Variants in SGCZ observed in about 807,000 individuals in gnomAD.
SGCZ encodes sarcoglycan zeta, also known as zeta-sarcoglycan.
A neutral mutation model predicts 41.3 loss-of-function variants in SGCZ; 40 were observed. The observed-to-expected ratio is 0.97, with a 90% confidence interval of 0.75 to 1.26. The LOEUF is 1.26. SGCZ is among the 50% of genes most tolerant of loss of function. The pLI, the probability that SGCZ is intolerant of heterozygous loss-of-function variation, is 0.00. For synonymous variants in SGCZ, 206 were observed against 137.5 expected, an observed-to-expected ratio of 1.50 and a Z score of -3.49; for missense variants, 552 against 369.8, an observed-to-expected ratio of 1.49 and a Z score of -4.04.
At chr8:14,661,518 C>T (rs1481002748) in intron 1 of SGCZ, among the ~76,000 whole-genome samples, 5 of 152,132 alleles carry the variant, frequency 3.3e-5, no homozygotes, top group East Asian at 1.9e-4. Flanking sequence ...ACCAATCAAA[C>T]ATTGAGGCAT....
intron 1 of SGCZ, among the ~76,000 whole-genome samples, chr8:15,226,591 C>A (rs919326719): frequency 7.2e-5 from 11 of 151,850 alleles, no homozygotes; most frequent in Non-Finnish European, 1.2e-4. Context: ...AGCATCAGGC[C>A]CACCCTTGGT....
At chr8:14,775,702 G>C (rs1041930083) in intron 1 of SGCZ, among the ~76,000 whole-genome samples, 5 of 152,150 alleles carry the variant, frequency 3.3e-5, no homozygotes, top group Non-Finnish European at 7.4e-5. Flanking sequence ...AAAATTTCAA[G>C]TGAAAAAGAT....
Position 14,843,486 on chromosome 8 carries a change from G to T in SGCZ, c.40-288560C>A, listed in dbSNP as rs73535048. ...GAATCTTGTTAAGTGCTTACTACAT[G>T]CCTGTTCATCATTGTCTATCCATTT... On this transcript the variant is annotated intron_variant, in intron 1 of 7. Transcript: ENST00000382080. Among the ~76,000 whole-genome samples, 1,230 of 152,144 alleles carry T rather than the reference G, an allele frequency of 8.1e-3. 20 individuals are homozygous for T. Among genetic ancestry groups the T allele is most frequent in the African/African-American group, 0.028 (1,152 of 41,534 alleles).
At chr8:14,746,983 A>T (rs529340849) in intron 1 of SGCZ, among the ~76,000 whole-genome samples, 18 of 152,222 alleles carry the variant, frequency 1.2e-4, no homozygotes, top group Non-Finnish European at 2.4e-4. Context: ...GATACAGTTT[A>T]TTCTCTACAG....
At chr8:14,573,872 A>G (rs139979154) in intron 1 of SGCZ, among the ~76,000 whole-genome samples, 1 of 152,312 alleles carries the variant, frequency 6.6e-6, no homozygotes, top group African/African-American at 2.4e-5. Flanking sequence ...CCATGAAAAA[A>G]TAAAATGGCC....
chr8:14,237,659 C>A lies in SGCZ; in HGVS notation c.357G>T (p.Gln119His). 6.2e-7 allele frequency: 1 copy of A among 1,613,844 alleles called. No individual in the cohort carries two copies. Among genetic ancestry groups the A allele is most frequent in the Non-Finnish European group, 8.5e-7 (1 of 1,179,802 alleles). The part of the protein sequence containing the change: ...HSRKDSPLVL[Q>H]SDRNVTVNAR... ...CATTCACTGTGACATTCCTGTCAGA[C>A]TGTAAGACCAGCGGACTATCCTGGG... Residue 119 changes from glutamine (Q) to histidine (H), a missense_variant, in exon 4 of 8, where the codon CAG becomes CAT. Coordinates refer to ENST00000382080, the MANE Select transcript of SGCZ (RefSeq NM_139167.4).
At chr8:14,119,708 T>C (rs1802638728) in intron 5 of SGCZ, among the ~76,000 whole-genome samples, 3 of 152,198 alleles carry the variant, frequency 2.0e-5, no homozygotes, top group Non-Finnish European at 2.9e-5. Flanking sequence ...TTGTCATAAA[T>C]AGCTCTTATT....
At chr8:14,276,821 A>T (rs1008696648) in intron 3 of SGCZ, among the ~76,000 whole-genome samples, 15 of 152,310 alleles carry the variant, frequency 9.8e-5, no homozygotes, top group African/African-American at 3.6e-4. Context: ...TTCAGCTATT[A>T]CAGGAAATAT....
intron 2 of SGCZ, among the ~76,000 whole-genome samples, chr8:14,478,582 G>C (rs1183201493): frequency 1.3e-5 from 2 of 148,562 alleles, no homozygotes; most frequent in South Asian, 2.1e-4. Flanking sequence ...GCAGTGAAAC[G>C]CTACTGTAAA....
intron 1 of SGCZ, among the ~76,000 whole-genome samples, chr8:15,202,014 T>G (rs1800907160): frequency 6.6e-6 from 1 of 152,230 alleles, no homozygotes; most frequent in Non-Finnish European, 1.5e-5. Flanking sequence ...GGATGCTTTT[T>G]CATCTTATTT....
chr8:14,475,811 G>C (rs1316397736), intron 2 of SGCZ, among the ~76,000 whole-genome samples: 1 of 151,968 alleles, frequency 6.6e-6, no homozygotes, highest in Non-Finnish European at 1.5e-5. Flanking sequence ...GTACAATGTT[G>C]AATATACACA....
chr8:14,367,404 G>A (rs370616339), intron 2 of SGCZ, among the ~76,000 whole-genome samples: 85 of 152,058 alleles, frequency 5.6e-4, no homozygotes, highest in African/African-American at 1.6e-3. Flanking sequence ...TTCCAAGGTC[G>A]CTTCCACATT....
intron 1 of SGCZ, among the ~76,000 whole-genome samples, chr8:14,784,590 A>C (rs571116063): frequency 6.6e-6 from 1 of 152,082 alleles, no homozygotes; most frequent in South Asian, 2.1e-4. Context: ...TTAGACAAGG[A>C]GAATGATAAG....
At chr8:14,330,052 G>T (rs1038492972) in intron 2 of SGCZ, among the ~76,000 whole-genome samples, 2 of 152,040 alleles carry the variant, frequency 1.3e-5, no homozygotes, top group Non-Finnish European at 2.9e-5. Flanking sequence ...CCTGTCCAAA[G>T]AAGGCCATGA....
chr8:14,680,161 C>T (rs28433505), intron 1 of SGCZ, among the ~76,000 whole-genome samples: 30,210 of 151,998 alleles, frequency 0.2, 3,646 homozygotes, highest in East Asian at 0.44. Flanking sequence ...GTTATGGAGA[C>T]ACTAAAAAGT....
chr8:14,790,948 T>G (rs979826846), intron 1 of SGCZ, among the ~76,000 whole-genome samples: 34 of 151,586 alleles, frequency 2.2e-4, no homozygotes, highest in African/African-American at 8.2e-4. Context: ...GGAGGATCTC[T>G]TGAACACGGG....
chr8:14,980,902 TC>T (rs775766851), intron 1 of SGCZ, among the ~76,000 whole-genome samples: 24 of 152,178 alleles, frequency 1.6e-4, no homozygotes, highest in Non-Finnish European at 2.8e-4. Context: ...TCCATTCCCA[TC>T]TTTAGTCTAT....
intron 1 of SGCZ, among the ~76,000 whole-genome samples, chr8:14,713,767 T>C (rs936282578): frequency 2.0e-5 from 3 of 151,982 alleles, no homozygotes; most frequent in Non-Finnish European, 4.4e-5. Flanking sequence ...AATATAATTA[T>C]ATTATTTATG....
intron 1 of SGCZ, among the ~76,000 whole-genome samples, chr8:14,799,071 T>G (rs1801228675): frequency 6.6e-6 from 1 of 152,028 alleles, no homozygotes; most frequent in East Asian, 1.9e-4. Flanking sequence ...AAAAAATTAT[T>G]TTTATGTAAA....
Sources: allele counts gnomAD v4.1 joint callset (sites outside exome capture counted in the v4.1 genomes callset), GRCh38; gene constraint gnomAD v4.1.1; transcripts MANE v1.5; gene names NCBI Gene and HGNC (gene_info 2026-07-23, HGNC 2026-07-21).